MCAM: variants seen among roughly 807,000 people sequenced by gnomAD.
MCAM encodes melanoma cell adhesion molecule, also known as cell surface glycoprotein MUC18.
MCAM carries 55 observed loss-of-function variants against 79.1 expected under a neutral mutation model. The ratio of observed to expected loss-of-function variants is 0.70; its 90% CI spans 0.56 to 0.87. The LOEUF (loss-of-function observed/expected upper bound fraction) is 0.87, where lower values mean the gene tolerates loss of function less well. Ranked by LOEUF, MCAM falls within the 40% of genes least tolerant of loss-of-function variation. The pLI is 0.00. For synonymous variants in MCAM, 330 were observed against 339.8 expected (o/e 0.97, Z 0.32); for missense variants, 745 against 839.8 (o/e 0.89, Z 1.40).
chr11:119,313,272 G>A (rs899665692), intron 5 of MCAM: 36 of 1,365,064 alleles, frequency 2.6e-5, no homozygotes, highest in Non-Finnish European at 3.3e-5. Context: ...TGGAAAACTT[G>A]GCAGTAAGCA....
At chr11:119,313,881 C>T (rs1950271630) in intron 5 of MCAM, 2 of 872,510 alleles carry the variant, frequency 2.3e-6, no homozygotes, top group African/African-American at 3.7e-5. Context: ...ACAAAATCAC[C>T]CCTGGTTAAG....
rs1057479141 is a variant in MCAM at position 119,316,788 on chromosome 11, C to A, written c.67+247G>T. 4.0e-6 allele frequency: 2 copies of A among 502,574 alleles called. No individual in the cohort carries two copies. Among genetic ancestry groups the A allele is most frequent in the South Asian group, 4.6e-5 (2 of 43,596 alleles). The allele number at this position is 502,574 out of a possible 1,614,324, so 31.1% of individuals were successfully genotyped here. A position where few individuals can be genotyped will look rare whatever the true frequency, so the allele number is the denominator to read the frequency against. On this transcript the variant is annotated intron_variant, in intron 1 of 15. Transcript: ENST00000264036. The surrounding 1 kb of genome is among the most constrained non-coding windows in gnomAD (Gnocchi z 4.8). ...CGAAAGGCTGAGCTCCACCCCTTCT[C>A]GTTCCCAGAAGCAGCCTCCTCCCCG...
chr11:119,314,690 C>G lies in MCAM; in HGVS notation c.460G>C (p.Glu154Gln). ...NPLGIPVNSK[E>Q]PEEVATCVGR... The stretch of plus-strand genomic sequence containing the variant: ...GCCACACATCTCACCTCCTCAGGCT[C>G]CTTACTGTTCACAGGGATGCCCAGG... Residue 154 changes from glutamate (E) to glutamine (Q), a missense_variant, in exon 4 of 16, where the codon GAG (glutamate) becomes CAG (glutamine). Physicochemically the swap from Glu to Gln is conservative, Grantham distance 29. Coordinates refer to ENST00000264036, the MANE Select transcript of MCAM (RefSeq NM_006500.3). 1 of 1,614,022 alleles carries G rather than the reference C, an allele frequency of 6.2e-7. No individual in the cohort carries two copies. The highest frequency in any genetic ancestry group is 8.5e-7 in the Non-Finnish European group (1 of 1,180,016).
At position 119,310,658 on chromosome 11, in the gene MCAM, G is replaced by A. The variant is rs2276082; in HGVS notation, c.1793+98C>T. ...GTGGAGCAGGCAGCACCCTGACCCA[G>A]GGCCCCACTCCTGCTGTCAAGGGGC... On this transcript the variant is annotated intron_variant, in intron 14 of 15. Transcript: ENST00000264036. 1.2e-5 allele frequency: 16 copies of A among 1,372,100 alleles called. No individual in the cohort carries two copies. The African/African-American group carries it at 1.4e-4, about 12-fold the overall frequency. The allele number at this position is 1,372,100 out of a possible 1,614,324, so 85.0% of individuals were successfully genotyped here.
In MCAM at chr11:119,310,473, G is replaced by A; in HGVS notation, c.1794-7C>T. The A allele has an allele frequency of 6.5e-7, 1 of 1,549,212 alleles. No individual in the cohort carries two copies. Among genetic ancestry groups the A allele is most frequent in the Non-Finnish European group, 8.9e-7 (1 of 1,121,310 alleles). On this transcript the variant is annotated splice_region_variant and splice_polypyrimidine_tract_variant and intron_variant, in intron 14 of 15. Coordinates refer to ENST00000264036, the MANE Select transcript of MCAM (RefSeq NM_006500.3). Reference sequence around the variant, plus strand: ...ACGAGACGGGGGTAGCGTGCTGGGAGGAGGGAGGGAGGTGAGAGGTTGGTA... The same window carrying A: ...ACGAGACGGGGGTAGCGTGCTGGGAAGAGGGAGGGAGGTGAGAGGTTGGTA...
chr11:119,315,335 T>C lies in MCAM; in HGVS notation c.68-72A>G. On this transcript the variant is annotated intron_variant, in intron 1 of 15. Transcript: ENST00000264036. The surrounding 1 kb of genome is among the most constrained non-coding windows in gnomAD (Gnocchi z 4.4). ...CTGTCCGCCCCTCCCCTCGCAGCGC[T>C]GCTGCAGCTGTTTTTCCTGCCACTC... 1 of 1,523,370 alleles carries C rather than the reference T, an allele frequency of 6.6e-7. No individual in the cohort carries two copies. The allele number at this position is 1,523,370 out of a possible 1,614,324, so 94.4% of individuals were successfully genotyped here.
chr11:119,312,981 C>A lies in MCAM; in HGVS notation c.560-32G>T. 6.2e-7 allele frequency: 1 copy of A among 1,613,288 alleles called. No homozygotes were observed. The highest frequency in any genetic ancestry group is 8.5e-7 in the Non-Finnish European group (1 of 1,179,962). ...AGGGAGGAAGGGGAGGAAGACTCAG[C>A]CTCAGCCCCACCTCCAGCCCCACCC... On this transcript the variant is annotated intron_variant, in intron 5 of 15. Coordinates refer to ENST00000264036, the MANE Select transcript of MCAM (RefSeq NM_006500.3). The surrounding 1 kb of genome is among the most constrained non-coding windows in gnomAD (Gnocchi z 4.9).
At position 119,312,586 on chromosome 11, in the gene MCAM, C is replaced by T. The variant is rs560440649; in HGVS notation, c.802G>A (p.Val268Met). The change falls in exon 7 of 16, where the codon GTG becomes ATG. Residue 268 changes from valine to methionine, a missense_variant. Transcript: ENST00000264036. The surrounding 1 kb of genome is among the most constrained non-coding windows in gnomAD (Gnocchi z 4.9). ...CCATCAGCCAAACACCTGATTTCCA[C>T]GCGGTCCCCTTCCTTCAGCATTCCC... The part of the protein sequence containing the change: ...PVGMLKEGDR[V>M]EIRCLADGNP... 2.1e-5 allele frequency: 34 copies of T among 1,614,186 alleles called. No individual in the cohort carries two copies. The highest frequency in any genetic ancestry group is 6.7e-5 in the African/African-American group (5 of 75,040).
intron 5 of MCAM, 65 bp from the exon 6 acceptor site, chr11:119,313,014 G>A (rs773564367): frequency 6.2e-7 from 1 of 1,608,314 alleles, no homozygotes; most frequent in African/African-American, 1.3e-5. Flanking sequence ...CCCTAGGGTT[G>A]TCCACTGGGG....
At chr11:119,314,452 G>C (rs767333241) in intron 5 of MCAM, 37 bp downstream of exon 5, 17 of 1,567,812 alleles carry the variant, frequency 1.1e-5, no homozygotes, top group Non-Finnish European at 1.5e-5. Flanking sequence ...TACCACACCT[G>C]GCCCAAGGGT....
At position 119,310,103 on chromosome 11, in the gene MCAM, G is replaced by A. The variant is rs962149436; in HGVS notation, c.1912-188C>T. ...CCCCGTCTGACTGCACTGGTGAAATGGCCACACCCAGAGCCACGGGCATTG... is the reference window on the plus strand; with the variant it reads ...CCCCGTCTGACTGCACTGGTGAAATAGCCACACCCAGAGCCACGGGCATTG... On this transcript the variant is annotated intron_variant, in intron 15 of 15. Coordinates refer to ENST00000264036, the MANE Select transcript of MCAM (RefSeq NM_006500.3). 18 of 636,916 alleles carry A rather than the reference G, an allele frequency of 2.8e-5. No homozygotes were observed. In the South Asian group the frequency reaches 3.3e-4, roughly 12 times the overall value. The allele number at this position is 636,916 out of a possible 1,614,324, so 39.5% of individuals were successfully genotyped here.
chr11:119,309,862 G>T lies in MCAM; in HGVS notation c.*24C>A. On this transcript the variant is annotated 3_prime_UTR_variant, in exon 16 of 16. Transcript: ENST00000264036. The stretch of plus-strand genomic sequence containing the variant: ...GGGAGCTGGGAATGGTCCAGGCAGG[G>T]AAGGGAGCTGAAGTGATTCGGGGCT... 1 of 1,593,088 alleles carries T rather than the reference G, an allele frequency of 6.3e-7. No individual in the cohort carries two copies. The highest frequency in any genetic ancestry group is 1.3e-5 in the African/African-American group (1 of 74,822).
In MCAM at chr11:119,315,107, C is replaced by T; in HGVS notation, c.192+32G>A. 2.2e-5 allele frequency: 35 copies of T among 1,612,770 alleles called. No homozygotes were observed. The highest frequency in any genetic ancestry group is 3.0e-5 in the Non-Finnish European group (35 of 1,179,954). On this transcript the variant is annotated intron_variant, in intron 2 of 15. Transcript: ENST00000264036. This position sits in a 1 kb window ranked among gnomAD's most constrained non-coding sequence, Gnocchi z 4.4. ...ACAAGAGGGGCAGAGTCTCCCTCCC[C>T]GGGCTGCTCTTGCAGGAGCCCAAGC... is the stretch of plus-strand genomic sequence containing the variant.
chr11:119,314,651 T>G (rs776306621), intron 4 of MCAM, 28 bp downstream of exon 4: 1 of 1,613,302 alleles, frequency 6.2e-7, no homozygotes, highest in African/African-American at 1.3e-5. Flanking sequence ...GCGCACCAGC[T>G]GCCCAGCCCA....
chr11:119,312,910 C>T lies in MCAM; in HGVS notation c.599G>A (p.Gly200Asp). 6.2e-7 allele frequency: 1 copy of T among 1,614,168 alleles called. No individual in the cohort carries two copies. ...IQSSQTVESSGLYTLQSILKA... is the reference protein window; with the variant it reads ...IQSSQTVESSDLYTLQSILKA... ...CAGAATACTCTGCAAGGTGTACAAACCACTCGACTCCACAGTCTGGGACGA... is the reference window on the plus strand; with the variant it reads ...CAGAATACTCTGCAAGGTGTACAAATCACTCGACTCCACAGTCTGGGACGA... The change falls in exon 6 of 16, where the codon GGT (glycine) becomes GAT (aspartate). Residue 200 changes from glycine to aspartate, a missense_variant. Physicochemically the swap from Gly to Asp is moderately conservative, Grantham distance 94. Transcript: ENST00000264036. This position sits in a 1 kb window ranked among gnomAD's most constrained non-coding sequence, Gnocchi z 4.9.
chr11:119,315,342 G>A lies in MCAM; in HGVS notation c.68-79C>T. 1 of 1,511,594 alleles carries A rather than the reference G, an allele frequency of 6.6e-7. No individual in the cohort carries two copies. The highest frequency in any genetic ancestry group is 2.4e-5 in the East Asian group (1 of 40,892). 93.6% of individuals were successfully genotyped at this position (1,511,594 alleles called of 1,614,324 possible). The stretch of plus-strand genomic sequence containing the variant: ...CCCCTCCCCTCGCAGCGCTGCTGCA[G>A]CTGTTTTTCCTGCCACTCAGAGGGT... On this transcript the variant is annotated intron_variant, in intron 1 of 15. Transcript: ENST00000264036. The surrounding 1 kb of genome is among the most constrained non-coding windows in gnomAD (Gnocchi z 4.4).
Position 119,310,789 on chromosome 11 carries a change from T to G in MCAM, c.1760A>C (p.Lys587Thr). Residue 587 changes from lysine to threonine, a missense_variant, in exon 14 of 16, where the codon AAG (lysine) becomes ACG (threonine). Transcript: ENST00000264036. ...CTTCCCTGAGCGCCTGCACGGCAGC[T>G]TGCCCTTCTTATAGAGGAAATAGAG... ...AVLYFLYKKG[K>T]LPCRRSGKQE... is the part of the protein sequence containing the mutation. 6.2e-7 allele frequency: 1 copy of G among 1,614,098 alleles called. No individual in the cohort carries two copies. The highest frequency in any genetic ancestry group is 8.5e-7 in the Non-Finnish European group (1 of 1,180,026).
rs1353177742 is a variant in MCAM, at chr11:119,310,702, C to T, written c.1793+54G>A. 7 of 1,581,540 alleles carry T rather than the reference C, an allele frequency of 4.4e-6. No homozygotes were observed. The Admixed American group carries it at 1.0e-4, about 23-fold the overall frequency. Reference sequence around the variant, plus strand: ...AAGGGGCAGGCGGGCGCTGGGCAGGCAGCAGGCTGGGTGGCAAAACGGGCG... The same window carrying T: ...AAGGGGCAGGCGGGCGCTGGGCAGGTAGCAGGCTGGGTGGCAAAACGGGCG... On this transcript the variant is annotated intron_variant, in intron 14 of 15. Coordinates refer to ENST00000264036, the MANE Select transcript of MCAM (RefSeq NM_006500.3).
At position 119,312,731 on chromosome 11, in the gene MCAM, C is replaced by T; in HGVS notation, c.739+39G>A. ...GGGAGCCAGCAGGAGTTTCCAGCAG[C>T]CCCAGCCCCAGTAAGCAGAGAGTCA... On this transcript the variant is annotated intron_variant, in intron 6 of 15. Coordinates refer to ENST00000264036, the MANE Select transcript of MCAM (RefSeq NM_006500.3). This position sits in a 1 kb window ranked among gnomAD's most constrained non-coding sequence, Gnocchi z 4.9. The T allele has an allele frequency of 6.2e-7, 1 of 1,613,072 alleles. No individual in the cohort carries two copies. Among genetic ancestry groups the T allele is most frequent in the African/African-American group, 1.3e-5 (1 of 74,996 alleles).
Sources: gnomAD v4.1 joint callset for allele counts on GRCh38, gnomAD v4.1.1 for gene constraint, Gnocchi (gnomAD v3.1) non-coding constraint, MANE v1.5 for transcripts, NCBI Gene and HGNC (gene_info 2026-07-23, HGNC 2026-07-21) for gene names.